The following DRC11 variants were observed in gnomAD, a reference collection of about 807,000 sequenced individuals.
The protein encoded by DRC11 is IQ and AAA domain-containing protein 1.
chr2:236,383,989 T>C, the DRC11 span, among the ~76,000 whole-genome samples: 2 of 152,170 alleles, frequency 1.3e-5, no homozygotes, highest in African/African-American at 4.8e-5. Flanking sequence ...ACAAAGGACA[T>C]GAACTCATCA....
At chr2:236,360,365 T>G in the DRC11 span, among the ~76,000 whole-genome samples, 2 of 152,190 alleles carry the variant, frequency 1.3e-5, no homozygotes, top group Non-Finnish European at 2.9e-5. The surrounding 1 kb of genome is among the most constrained non-coding windows in gnomAD (Gnocchi z 5.8). Flanking sequence ...TTGTAAGGAC[T>G]GAGTGAGTTA....
the DRC11 span, among the ~76,000 whole-genome samples, chr2:236,441,323 G>T: frequency 6.6e-6 from 1 of 152,012 alleles, no homozygotes; most frequent in Non-Finnish European, 1.5e-5. Flanking sequence ...TTCCTCTAGA[G>T]AATTGTTAGT....
chr2:236,440,530 C>T, the DRC11 span, among the ~76,000 whole-genome samples: 1 of 152,202 alleles, frequency 6.6e-6, no homozygotes, highest in Non-Finnish European at 1.5e-5. Context: ...TCAAATGCCA[C>T]TGAAGCATCT....
chr2:236,352,085 G>A, the DRC11 span, among the ~76,000 whole-genome samples: 218 of 152,314 alleles, frequency 1.4e-3, 1 homozygote, highest in African/African-American at 4.6e-3. The surrounding 1 kb of genome is among the most constrained non-coding windows in gnomAD (Gnocchi z 7.0). Context: ...GGGCCACACA[G>A]GGAAGACGAT....
the DRC11 span, chr2:236,494,032 C>A: frequency 1.6e-6 from 1 of 616,926 alleles, no homozygotes; most frequent in Middle Eastern, 4.6e-4. This position sits in a 1 kb window ranked among gnomAD's most constrained non-coding sequence, Gnocchi z 4.2. Context: ...ATGAGGCCAG[C>A]GGAGTGAGGA....
At chr2:236,342,000 G>T in the DRC11 span, among the ~76,000 whole-genome samples, 1 of 152,188 alleles carries the variant, frequency 6.6e-6, no homozygotes, top group South Asian at 2.1e-4. Context: ...CCCTGCGCCC[G>T]GGAAGTTTGG....
chr2:236,352,786 G>A, the DRC11 span, among the ~76,000 whole-genome samples: 1 of 152,166 alleles, frequency 6.6e-6, no homozygotes, highest in African/African-American at 2.4e-5. The surrounding 1 kb of genome is among the most constrained non-coding windows in gnomAD (Gnocchi z 7.0). Flanking sequence ...CAGCATTACG[G>A]TTCTAATTAA....
At chr2:236,441,192 T>TG in the DRC11 span, 10 of 1,065,732 alleles carry the variant, frequency 9.4e-6, no homozygotes, top group Middle Eastern at 4.0e-4. Flanking sequence ...CCCATTTATT[T>TG]GCTTATGTTC....
chr2:236,494,140 T>C, the DRC11 span, among the ~76,000 whole-genome samples: 11 of 152,270 alleles, frequency 7.2e-5, no homozygotes, highest in South Asian at 2.1e-4. The surrounding 1 kb of genome is among the most constrained non-coding windows in gnomAD (Gnocchi z 4.2). Flanking sequence ...TCACATCAAT[T>C]AGGCCTCAAT....
At chr2:236,383,893 C>G in the DRC11 span, among the ~76,000 whole-genome samples, 1 of 150,818 alleles carries the variant, frequency 6.6e-6, no homozygotes, top group African/African-American at 2.4e-5. Context: ...CAATTCCCAC[C>G]TATGAGTGAG....
the DRC11 span, among the ~76,000 whole-genome samples, chr2:236,417,996 G>A: frequency 6.6e-6 from 1 of 152,146 alleles, no homozygotes; most frequent in Non-Finnish European, 1.5e-5. Flanking sequence ...CATTTGGGTT[G>A]GTTCCAAGTC....
the DRC11 span, among the ~76,000 whole-genome samples, chr2:236,334,324 G>T: frequency 6.6e-6 from 1 of 152,214 alleles, no homozygotes. The surrounding 1 kb of genome is among the most constrained non-coding windows in gnomAD (Gnocchi z 7.8). Context: ...GGCACAGCGT[G>T]GTGGGCTGGG....
At chr2:236,496,064 T>C in the DRC11 span, among the ~76,000 whole-genome samples, 4 of 152,196 alleles carry the variant, frequency 2.6e-5, no homozygotes, top group East Asian at 7.7e-4. This position sits in a 1 kb window ranked among gnomAD's most constrained non-coding sequence, Gnocchi z 6.3. Flanking sequence ...GTAATATTCA[T>C]TAATTAAATT....
the DRC11 span, chr2:236,465,572 A>G: frequency 6.2e-7 from 1 of 1,613,972 alleles, no homozygotes; most frequent in East Asian, 2.2e-5. The surrounding 1 kb of genome is among the most constrained non-coding windows in gnomAD (Gnocchi z 6.2). Context: ...CCTTCTATCA[A>G]CTTTAGGTCA....
the DRC11 span, among the ~76,000 whole-genome samples, chr2:236,481,582 C>T: frequency 1.1e-4 from 17 of 151,956 alleles, no homozygotes; most frequent in Non-Finnish European, 1.5e-5. Flanking sequence ...CAGGTTGCTT[C>T]TATTCTGACA....
the DRC11 span, among the ~76,000 whole-genome samples, chr2:236,474,941 C>T: frequency 6.9e-4 from 104 of 151,802 alleles, no homozygotes; most frequent in African/African-American, 2.4e-3. Flanking sequence ...TTGGACTATC[C>T]ATCATCTCAA....
the DRC11 span, among the ~76,000 whole-genome samples, chr2:236,341,031 C>T: frequency 4.6e-5 from 7 of 152,214 alleles, no homozygotes; most frequent in African/African-American, 1.4e-4. Flanking sequence ...CCAAAACCGC[C>T]GCCCCTACCG....
the DRC11 span, among the ~76,000 whole-genome samples, chr2:236,504,994 A>C: frequency 6.6e-6 from 1 of 152,248 alleles, no homozygotes; most frequent in African/African-American, 2.4e-5. The surrounding 1 kb of genome is among the most constrained non-coding windows in gnomAD (Gnocchi z 5.0). Flanking sequence ...GTGAGAACAG[A>C]CTAATACAGA....
At chr2:236,357,337 AATAT>A in the DRC11 span, among the ~76,000 whole-genome samples, 8 of 115,602 alleles carry the variant, frequency 6.9e-5, no homozygotes, top group African/African-American at 1.2e-4. Context: ...TTCATATATG[AATAT>A]ATATATTATA....
Sources: gnomAD v4.1 joint callset for allele counts (sites outside exome capture counted in the v4.1 genomes callset) on GRCh38, gnomAD v4.1.1 for gene constraint, Gnocchi (gnomAD v3.1) non-coding constraint, MANE v1.5 for transcripts, NCBI Gene and HGNC (gene_info 2026-07-23, HGNC 2026-07-21) for gene names.